Variants in CASP1 observed in about 807,000 individuals in gnomAD.
CASP1 encodes caspase-1.
Under a neutral mutation model 41.2 loss-of-function variants are expected in CASP1, and 31 were observed. That is an observed-to-expected ratio of 0.75 (90% CI 0.57 to 1.02). CASP1 has a LOEUF of 1.02. CASP1 is among the 50% of genes least tolerant of loss of function. The pLI is 0.00. For synonymous variants in CASP1, 163 were observed against 166.5 expected (o/e 0.98, Z 0.16); for missense variants, 490 against 495.7 (o/e 0.99, Z 0.11).
chr11:105,034,103 G>A, intron 2 of CASP1, 105 bp downstream of exon 2: 1 of 1,594,528 alleles, frequency 6.3e-7, no homozygotes, highest in Non-Finnish European at 8.6e-7. Context: ...CCTGAAGCCA[G>A]AAATAAGAAA....
At position 105,025,550 on chromosome 11, in the gene CASP1, T is replaced by C. The variant is rs769616214; in HGVS notation, c.*708A>G. ...GATTTATTATTTCAAAAAAGTTTAT[T>C]ATTCAGCAGACATAATTCCAAAAAC... On this transcript the variant is annotated 3_prime_UTR_variant, in exon 9 of 9. Coordinates refer to ENST00000533400, the MANE Select transcript of CASP1 (RefSeq NM_001257118.3). 2.3e-6 allele frequency: 1 copy of C among 426,994 alleles called. No individual in the cohort carries two copies. The highest frequency in any genetic ancestry group is 4.6e-6 in the Non-Finnish European group (1 of 218,710). The allele number at this position is 426,994 out of a possible 1,614,324, so 26.5% of individuals were successfully genotyped here.
chr11:105,027,205 C>G (rs1489454401), intron 7 of CASP1: 1 of 607,998 alleles, frequency 1.6e-6, no homozygotes, highest in Non-Finnish European at 2.9e-6. Context: ...ACTCAGCTAG[C>G]TATACAGGGG....
chr11:105,030,154 G>A (rs1193377551), intron 5 of CASP1, among the ~76,000 whole-genome samples, 176 bp downstream of exon 5: 3 of 152,126 alleles, frequency 2.0e-5, no homozygotes, highest in Non-Finnish European at 4.4e-5. Context: ...TACCAGGCTT[G>A]TGCTGCATGA....
chr11:105,026,993 C>G (rs983487284), intron 7 of CASP1, 42 bp from the exon 8 acceptor site: 1 of 1,115,146 alleles, frequency 9.0e-7, no homozygotes, highest in Non-Finnish European at 1.4e-6. Context: ...CTGGCTCTTG[C>G]CTGAAGAAAG....
chr11:105,034,026 G>C, intron 2 of CASP1, 182 bp downstream of exon 2: 1 of 1,019,544 alleles, frequency 9.8e-7, no homozygotes, highest in Non-Finnish European at 1.5e-6. Flanking sequence ...TGCCACTGAG[G>C]ATTAAGGAAA....
At chr11:105,029,963 CAATA>C in intron 5 of CASP1, 64 bp from the exon 6 acceptor site, 1 of 1,209,064 alleles carries the variant, frequency 8.3e-7, no homozygotes, top group Non-Finnish European at 1.2e-6. Flanking sequence ...CTTGGAAAGT[CAATA>C]AATAAATACT....
intron 8 of CASP1, 146 bp from the exon 9 acceptor site, chr11:105,026,502 C>T (rs1031466767): frequency 3.2e-6 from 2 of 620,862 alleles, no homozygotes; most frequent in East Asian, 2.7e-5. Context: ...CAAGTATAAC[C>T]ATATATGTAT....
intron 8 of CASP1, 142 bp from the exon 9 acceptor site, chr11:105,026,498 T>C: frequency 1.6e-6 from 1 of 628,834 alleles, no homozygotes; most frequent in Non-Finnish European, 2.8e-6. Context: ...GCAACAAGTA[T>C]AACCATATAT....
In CASP1 at chr11:105,035,096, A is replaced by G. The variant is rs772034057; in HGVS notation, c.7+11T>C. 3 of 1,613,236 alleles carry G rather than the reference A, an allele frequency of 1.9e-6. No individual in the cohort carries two copies. The highest frequency in any genetic ancestry group is 2.5e-6 in the Non-Finnish European group (3 of 1,179,896). On this transcript the variant is annotated intron_variant, in intron 1 of 8. Transcript: ENST00000533400. ...CCCAGGGACCTGTTCTTGGAACAGT[A>G]AAAGACTCACCGGCCATGGCTTTTC...
At chr11:105,032,530 G>A (rs1863762682) in intron 3 of CASP1, among the ~76,000 whole-genome samples, 2 of 152,118 alleles carry the variant, frequency 1.3e-5, no homozygotes, top group Non-Finnish European at 2.9e-5. Flanking sequence ...TATGGGAATA[G>A]GGGTTCTTTA....
upstream of CASP1, among the ~76,000 whole-genome samples, chr11:105,035,457 G>A (rs1863962078): frequency 6.6e-6 from 1 of 152,110 alleles, no homozygotes; most frequent in Admixed American, 6.6e-5. Context: ...TGGAGTATGT[G>A]AACCACTGTT....
Position 105,030,373 on chromosome 11 carries a change from T to C in CASP1, c.584A>G (p.Asn195Ser). The change falls in exon 5 of 9, where the codon AAT (asparagine) becomes AGT (serine). Residue 195 changes from asparagine (N) to serine (S), a missense_variant. Transcript: ENST00000533400. The stretch of plus-strand genomic sequence containing the variant: ...TTTCACATCTACGCTGTACCCCAGA[T>C]TTTGTAGCAGCATTGTCATGCCTGT... ...DITGMTMLLQ[N>S]LGYSVDVKKN... 1 of 1,613,618 alleles carries C rather than the reference T, an allele frequency of 6.2e-7. No individual in the cohort carries two copies. Among genetic ancestry groups the C allele is most frequent in the Non-Finnish European group, 8.5e-7 (1 of 1,179,686 alleles).
Position 105,029,714 on chromosome 11 carries a change from T to C in CASP1, c.813A>G (p.Pro271=), listed in dbSNP as rs112668107. The change falls in exon 6 of 9, where the codon CCA becomes CCG. Residue 271 remains proline (P), a synonymous_variant. Coordinates refer to ENST00000533400, the MANE Select transcript of CASP1 (RefSeq NM_001257118.3). ...IFNMLNTKNC[P]SLKDKPKVII... ...TCACCTTCGGTTTGTCCTTCAAACT[T>C]GGGCAGTTCTTGGTATTCAACATGT... 6.2e-7 allele frequency: 1 copy of C among 1,613,718 alleles called. No individual in the cohort carries two copies. The highest frequency in any genetic ancestry group is 1.3e-5 in the African/African-American group (1 of 75,020).
At chr11:105,035,749 G>A (rs1863990693), upstream of CASP1, among the ~76,000 whole-genome samples, 1 of 150,820 alleles carries the variant, frequency 6.6e-6, no homozygotes, top group Non-Finnish European at 1.5e-5. Context: ...CCGAGTAGCT[G>A]CAATTACTGG....
chr11:105,028,018 G>A (rs1863429675), intron 7 of CASP1, among the ~76,000 whole-genome samples: 2 of 152,106 alleles, frequency 1.3e-5, no homozygotes, highest in African/African-American at 4.8e-5. Flanking sequence ...GGCCTACAAA[G>A]AGCTACTTAG....
Position 105,029,804 on chromosome 11 carries a change from T to G in CASP1, c.723A>C (p.Glu241Asp). The change falls in exon 6 of 9, where the codon GAA becomes GAC. Residue 241 changes from glutamate to aspartate, a missense_variant. Coordinates refer to ENST00000533400, the MANE Select transcript of CASP1 (RefSeq NM_001257118.3). ...FLVFMSHGIREGICGKKHSEQ... is the reference protein window; with the variant it reads ...FLVFMSHGIRDGICGKKHSEQ... ...CAGAGTGTTTCTTCCCACAAATGCC[T>G]TCCCGAATACCATGAGACATGAACA... 1.2e-6 allele frequency: 2 copies of G among 1,613,750 alleles called. No individual in the cohort carries two copies. The highest frequency in any genetic ancestry group is 1.7e-6 in the Non-Finnish European group (2 of 1,179,738).
intron 4 of CASP1, 125 bp from the exon 5 acceptor site, chr11:105,030,628 G>C (rs1863633362): frequency 2.8e-6 from 2 of 725,844 alleles, no homozygotes; most frequent in African/African-American, 3.6e-5. Flanking sequence ...ACCATACATT[G>C]AAAAGGGGGA....
At chr11:105,030,125 A>G (rs993829418) in intron 5 of CASP1, among the ~76,000 whole-genome samples, 2 of 152,034 alleles carry the variant, frequency 1.3e-5, no homozygotes, top group African/African-American at 2.4e-5. Context: ...AGTCAATAAA[A>G]CATTTCCCAA....
At chr11:105,035,030 A>G in intron 1 of CASP1, 77 bp downstream of exon 1, 1 of 1,581,450 alleles carries the variant, frequency 6.3e-7, no homozygotes, top group Non-Finnish European at 8.7e-7. Flanking sequence ...GATGCTAATT[A>G]TGGCTTCCAG....
Sources: gnomAD v4.1 joint callset for allele counts (sites outside exome capture counted in the v4.1 genomes callset) on GRCh38, gnomAD v4.1.1 for gene constraint, MANE v1.5 for transcripts, NCBI Gene and HGNC (gene_info 2026-07-23, HGNC 2026-07-21) for gene names.